ZNF385D: variants seen among roughly 807,000 people sequenced by gnomAD.
ZNF385D encodes the protein zinc finger protein 659.
In ZNF385D, 15 loss-of-function variants were observed where a neutral mutation model predicts 35.8. The ratio of observed to expected loss-of-function variants is 0.42; its 90% CI spans 0.28 to 0.64. The LOEUF is 0.64. Among genes scored for constraint, ZNF385D ranks in the 30% least tolerant of loss-of-function variants. ZNF385D has a pLI of 0.23. For missense variants in ZNF385D, 474 were observed against 494.6 expected (o/e 0.96, Z 0.39); for synonymous variants, 212 against 186.8 (o/e 1.13, Z -1.10).
chr3:21,615,793 A>AGCGT (rs1553624040), intron 2 of ZNF385D, among the ~76,000 whole-genome samples: 1 of 145,238 alleles, frequency 6.9e-6, no homozygotes, highest in African/African-American at 2.6e-5. Flanking sequence ...ATGGAGAAAG[A>AGCGT]GTGTGTGTGT....
rs1223509280 is a variant in ZNF385D, at chr3:21,917,210, T to C, written c.325+251607A>G. On this transcript the variant is annotated intron_variant, in intron 3 of 5. Coordinates refer to the ZNF385D transcript ENST00000494108. ...ACTTTGGGAGGCCGAGGTGGACGGATCACTTGAGGTCAGGAGTTTGAGGCC... is the reference window on the plus strand; with the variant it reads ...ACTTTGGGAGGCCGAGGTGGACGGACCACTTGAGGTCAGGAGTTTGAGGCC... 2.6e-5 allele frequency among the ~76,000 whole-genome samples: 4 copies of C among 152,278 alleles called. No individual in the cohort carries two copies. In the South Asian group the frequency reaches 6.2e-4, roughly 24 times the overall value.
chr3:21,784,534 G>C (rs1397168193), intron 3 of ZNF385D, among the ~76,000 whole-genome samples: 1 of 151,984 alleles, frequency 6.6e-6, no homozygotes, highest in Non-Finnish European at 1.5e-5. Context: ...GAAAAATTAT[G>C]CCTGATTAGG....
rs113751683 is a variant in ZNF385D, at chr3:22,306,277, T to G, written c.106+66173A>C. On this transcript the variant is annotated intron_variant, in intron 2 of 5. Coordinates refer to the ZNF385D transcript ENST00000494108. ...TGGTTTTTCTGGCAAGTGAAGCTTC[T>G]CAGACTCTTGTCTAATGGATATAAA... Among the ~76,000 whole-genome samples, 1,306 of 152,202 alleles carry G rather than the reference T, an allele frequency of 8.6e-3. 18 individuals carry two copies. The highest frequency in any genetic ancestry group is 0.05 in the South Asian group (243 of 4,814).
intron 1 of ZNF385D, among the ~76,000 whole-genome samples, chr3:21,710,365 G>A (rs1472792868): frequency 1.3e-5 from 2 of 152,108 alleles, no homozygotes; most frequent in African/African-American, 4.8e-5. Flanking sequence ...GTGAGACTGG[G>A]GTAGGGTGAT....
chr3:22,173,624 C>T (rs779991169), intron 2 of ZNF385D, among the ~76,000 whole-genome samples: 11 of 152,268 alleles, frequency 7.2e-5, no homozygotes, highest in African/African-American at 1.7e-4. Flanking sequence ...ATTCATCTCA[C>T]GGTAGAAATA....
At chr3:21,935,700 G>A (rs1464557440) in intron 3 of ZNF385D, among the ~76,000 whole-genome samples, 1 of 151,564 alleles carries the variant, frequency 6.6e-6, no homozygotes, top group East Asian at 2.0e-4. Flanking sequence ...GGCAGACTCA[G>A]TTTCCCTAAA....
intron 3 of ZNF385D, among the ~76,000 whole-genome samples, chr3:21,908,114 C>A (rs1430136249): frequency 7.2e-6 from 1 of 139,090 alleles, no homozygotes. Context: ...ATATCTTTCT[C>A]TCTATATCTA....
chr3:22,361,316 T>C (rs1220595596), intron 2 of ZNF385D, among the ~76,000 whole-genome samples: 1 of 152,072 alleles, frequency 6.6e-6, no homozygotes, highest in East Asian at 1.9e-4. Context: ...TTTGCTGTAA[T>C]CAGAATGTAA....
intron 2 of ZNF385D, among the ~76,000 whole-genome samples, chr3:21,593,937 G>A (rs1005661274): frequency 1.3e-5 from 2 of 152,228 alleles, no homozygotes; most frequent in Admixed American, 1.3e-4. Context: ...GCTGCTTCCT[G>A]TCTAAATCCT....
chr3:21,484,518 A>C (rs1021656047), intron 4 of ZNF385D, among the ~76,000 whole-genome samples: 3 of 152,160 alleles, frequency 2.0e-5, no homozygotes, highest in Non-Finnish European at 4.4e-5. Flanking sequence ...CTGCTGACAA[A>C]GGTTAACATC....
chr3:21,824,144 T>C (rs577764186), intron 3 of ZNF385D, among the ~76,000 whole-genome samples: 1 of 152,288 alleles, frequency 6.6e-6, no homozygotes, highest in South Asian at 2.1e-4. Flanking sequence ...AAAACATGAC[T>C]TCTTTCAAAA....
intron 6 of ZNF385D, among the ~76,000 whole-genome samples, chr3:21,424,648 T>C (rs1480978457): frequency 2.7e-5 from 4 of 149,784 alleles, no homozygotes. Context: ...AGTAGCGTCT[T>C]TTTTTTTTCC....
intron 3 of ZNF385D, among the ~76,000 whole-genome samples, chr3:22,109,685 G>C (rs1034936212): frequency 8.6e-5 from 13 of 151,994 alleles, no homozygotes; most frequent in African/African-American, 3.1e-4. Context: ...TCCTGTATTG[G>C]GGGCATATAT....
intron 2 of ZNF385D, among the ~76,000 whole-genome samples, chr3:22,343,165 A>G (rs1183806595): frequency 1.3e-5 from 2 of 152,260 alleles, no homozygotes; most frequent in Admixed American, 6.5e-5. Context: ...GTTAAAATGT[A>G]TATAGATTGT....
chr3:22,331,946 T>C (rs552347810), intron 2 of ZNF385D, among the ~76,000 whole-genome samples: 29 of 152,310 alleles, frequency 1.9e-4, no homozygotes, highest in African/African-American at 7.0e-4. Context: ...GTGGTCTTGC[T>C]TTTCTAAATA....
At chr3:22,208,576 G>T (rs925507351) in intron 2 of ZNF385D, among the ~76,000 whole-genome samples, 2 of 151,610 alleles carry the variant, frequency 1.3e-5, no homozygotes, top group Admixed American at 6.6e-5. Context: ...TAATTATATT[G>T]TAACAAAAAG....
intron 3 of ZNF385D, among the ~76,000 whole-genome samples, chr3:21,952,614 G>GA (rs889579763): frequency 4.6e-5 from 7 of 151,968 alleles, no homozygotes; most frequent in African/African-American, 1.7e-4. Flanking sequence ...ACCTAACTCA[G>GA]AAAGTGGTTG....
At chr3:21,774,000 T>C (rs13089056) in intron 3 of ZNF385D, among the ~76,000 whole-genome samples, 58,057 of 151,628 alleles carry the variant, frequency 0.38, 11,482 homozygotes, top group Middle Eastern at 0.55. Context: ...TTCACAATAG[T>C]CAAGACATGG....
At chr3:21,731,530 G>A (rs753089263) in intron 1 of ZNF385D, among the ~76,000 whole-genome samples, 3 of 152,110 alleles carry the variant, frequency 2.0e-5, no homozygotes, top group Admixed American at 6.5e-5. Context: ...TATGGAGTAC[G>A]TTAACATTAA....
Sources: allele counts gnomAD v4.1 joint callset (sites outside exome capture counted in the v4.1 genomes callset), GRCh38; gene constraint gnomAD v4.1.1; transcripts MANE v1.5; gene names NCBI Gene and HGNC (gene_info 2026-07-23, HGNC 2026-07-21).